CAMK2B: variants seen among roughly 807,000 people sequenced by gnomAD.
The protein encoded by CAMK2B is calcium/calmodulin-dependent protein kinase type II subunit beta.
Under a neutral mutation model 93.7 loss-of-function variants are expected in CAMK2B, and 27 were observed. The observed-to-expected ratio is 0.29, with a 90% confidence interval of 0.21 to 0.40. The LOEUF is 0.40. Among genes scored for constraint, CAMK2B ranks in the 10% least tolerant of loss-of-function variants. The pLI is 1.00. For missense variants in CAMK2B, 568 were observed against 895.8 expected (o/e 0.63, Z 4.67); for synonymous variants, 374 against 358.8 (o/e 1.04, Z -0.48).
Position 44,264,781 on chromosome 7 carries a change from C to T in CAMK2B, c.161-1717G>A, listed in dbSNP as rs533236226. ...CAGGAGCCTCAGGGATTTGTGATGG[C>T]GGAACTGGAACCAGCCCAAGTGTCT... is the stretch of plus-strand genomic sequence containing the variant. On this transcript the variant is annotated intron_variant, in intron 2 of 23. Transcript: ENST00000395749. Among the ~76,000 whole-genome samples, 30 of 152,288 alleles carry T rather than the reference C, an allele frequency of 2.0e-4. No homozygotes were observed. The East Asian group carries it at 5.2e-3, about 26-fold the overall frequency.
rs1455053194 is a variant in CAMK2B, at chr7:44,248,068, T to C, written c.342-876A>G. On this transcript the variant is annotated intron_variant, in intron 5 of 23. Coordinates refer to ENST00000395749, the MANE Select transcript of CAMK2B (RefSeq NM_001220.5). This position sits in a 1 kb window ranked among gnomAD's most constrained non-coding sequence, Gnocchi z 4.1. ...AAAAAGTGAAACCCAAGCTGCCACATTGGCTGGTGGCTGCCGTGTTGGGTG... is the reference window on the plus strand; with the variant it reads ...AAAAAGTGAAACCCAAGCTGCCACACTGGCTGGTGGCTGCCGTGTTGGGTG... 6.6e-6 allele frequency among the ~76,000 whole-genome samples: 1 copy of C among 152,116 alleles called. No homozygotes were observed. Among genetic ancestry groups the C allele is most frequent in the Non-Finnish European group, 1.5e-5 (1 of 68,004 alleles).
chr7:44,313,465 C>T (rs1042486659), intron 1 of CAMK2B, among the ~76,000 whole-genome samples: 3 of 151,802 alleles, frequency 2.0e-5, no homozygotes, highest in African/African-American at 7.3e-5. Flanking sequence ...GTGACAGTCC[C>T]AAGGGCCACT....
intron 1 of CAMK2B, among the ~76,000 whole-genome samples, chr7:44,321,147 C>T (rs964667343): frequency 6.6e-6 from 1 of 152,192 alleles, no homozygotes; most frequent in Non-Finnish European, 1.5e-5. Flanking sequence ...TCCTCCATTC[C>T]TCTCTTCCCT....
intron 19 of CAMK2B, 135 bp downstream of exon 19, chr7:44,228,661 C>T: frequency 2.5e-6 from 2 of 803,226 alleles, no homozygotes; most frequent in Non-Finnish European, 3.5e-6. Flanking sequence ...GAAGCCCCGC[C>T]AGGGCAGGAC....
intron 19 of CAMK2B, 107 bp from the exon 20 acceptor site, chr7:44,226,751 A>G (rs1429478823): frequency 1.5e-5 from 4 of 273,224 alleles, no homozygotes; most frequent in African/African-American, 5.5e-5. Context: ...ACAGAGGCAG[A>G]TGTGGGGGAT....
At chr7:44,229,539 C>A in intron 17 of CAMK2B, 38 bp from the exon 18 acceptor site, 2 of 1,068,710 alleles carry the variant, frequency 1.9e-6, no homozygotes, top group Non-Finnish European at 2.5e-6. Context: ...GTGGGTGGTG[C>A]GCCCGCAGGA....
intron 18 of CAMK2B, 117 bp downstream of exon 18, chr7:44,229,271 T>C: frequency 3.0e-6 from 2 of 672,164 alleles, no homozygotes; most frequent in Non-Finnish European, 2.5e-6. Context: ...GATTGTGGGG[T>C]GATGAGGCTG....
Position 44,240,236 on chromosome 7 carries a change from C to T in CAMK2B, c.946+471G>A, listed in dbSNP as rs527304854. 9.2e-5 allele frequency among the ~76,000 whole-genome samples: 14 copies of T among 152,310 alleles called. No homozygotes were observed. In the South Asian group the frequency reaches 2.7e-3, roughly 29 times the overall value. ...CTGCCAAGAGAACTTGCTTCCCAAC[C>T]ACCCACCCTGAGCAGCCGGGACAGG... On this transcript the variant is annotated intron_variant, in intron 12 of 23. Coordinates refer to ENST00000395749, the MANE Select transcript of CAMK2B (RefSeq NM_001220.5).
intron 2 of CAMK2B, among the ~76,000 whole-genome samples, chr7:44,273,140 A>G (rs1371976811): frequency 6.6e-6 from 1 of 152,196 alleles, no homozygotes; most frequent in Non-Finnish European, 1.5e-5. Context: ...ATGCCTGAGT[A>G]GTGAGATGCA....
intron 3 of CAMK2B, among the ~76,000 whole-genome samples, chr7:44,261,410 G>A (rs1004728686): frequency 1.3e-5 from 2 of 152,240 alleles, no homozygotes; most frequent in Non-Finnish European, 2.9e-5. Flanking sequence ...CATCTATGAA[G>A]GTACCTCACT....
intron 1 of CAMK2B, chr7:44,324,909 C>CGCTCGGGTGGGGGTGGGGACA (rs1563139906): frequency 6.6e-6 from 1 of 151,986 alleles, no homozygotes; most frequent in Non-Finnish European, 1.5e-5. Flanking sequence ...CGCCGCCTGC[C>CGCTCGGGTGGGGGTGGGGACA]GCTCGGGTGG....
At chr7:44,306,702 A>T (rs1295725887) in intron 1 of CAMK2B, among the ~76,000 whole-genome samples, 1 of 150,434 alleles carries the variant, frequency 6.6e-6, no homozygotes, top group Non-Finnish European at 1.5e-5. Flanking sequence ...CAATCTGGCC[A>T]TGCTGAAACC....
At chr7:44,283,895 C>T (rs1454958635) in intron 2 of CAMK2B, among the ~76,000 whole-genome samples, 1 of 152,226 alleles carries the variant, frequency 6.6e-6, no homozygotes, top group African/African-American at 2.4e-5. Flanking sequence ...GGCACCCCCA[C>T]CAGCCTGGGC....
rs912976548 is a variant in CAMK2B, at chr7:44,225,101, C to A, written c.1597+1415G>T. Among the ~76,000 whole-genome samples the A allele has an allele frequency of 1.8e-4, 28 of 152,054 alleles. No homozygotes were observed. Among genetic ancestry groups the A allele is most frequent in the African/African-American group, 6.3e-4 (26 of 41,396 alleles). Reference sequence around the variant, plus strand: ...CTGTGCTGTGGCCCCTGAAGGTGAGCCTGGACACCGAGCCCCGAGCTGGCC... The same window carrying A: ...CTGTGCTGTGGCCCCTGAAGGTGAGACTGGACACCGAGCCCCGAGCTGGCC... On this transcript the variant is annotated intron_variant, in intron 20 of 23. Coordinates refer to ENST00000395749, the MANE Select transcript of CAMK2B (RefSeq NM_001220.5). The surrounding 1 kb of genome is among the most constrained non-coding windows in gnomAD (Gnocchi z 5.0).
intron 1 of CAMK2B, among the ~76,000 whole-genome samples, chr7:44,306,951 TA>T (rs1395805645): frequency 2.2e-4 from 2 of 8,946 alleles, no homozygotes; most frequent in East Asian, 5.3e-3. Context: ...AGGGGGTGAG[TA>T]GGGGGAGGAG....
chr7:44,235,687 C>T (rs1188188051), intron 13 of CAMK2B, among the ~76,000 whole-genome samples: 2 of 152,184 alleles, frequency 1.3e-5, no homozygotes, highest in African/African-American at 4.8e-5. Context: ...CAAAAAGAGC[C>T]AGGGCCATGC....
chr7:44,289,063 C>T (rs1025396767), intron 1 of CAMK2B, among the ~76,000 whole-genome samples: 1 of 152,212 alleles, frequency 6.6e-6, no homozygotes, highest in East Asian at 1.9e-4. Context: ...TCTGGCTCCA[C>T]AACAGACTGC....
In CAMK2B at chr7:44,225,959, C is replaced by T. The variant is rs759396269; in HGVS notation, c.1597+557G>A. The T allele has an allele frequency of 1.7e-4, 217 of 1,244,582 alleles. No individual in the cohort carries two copies. The African/African-American group carries it at 2.6e-3, about 15-fold the overall frequency. 77.1% of individuals were successfully genotyped at this position (1,244,582 alleles called of 1,614,324 possible). A position where few individuals can be genotyped will look rare whatever the true frequency, so the allele number is the denominator to read the frequency against. ...TGGCCCAGCCTGGCTCCTCCCTGGC[C>T]GGGGAGGCTGCCCAGCCTGTGCTTC... On this transcript the variant is annotated intron_variant, in intron 20 of 23. Coordinates refer to ENST00000395749, the MANE Select transcript of CAMK2B (RefSeq NM_001220.5). The surrounding 1 kb of genome is among the most constrained non-coding windows in gnomAD (Gnocchi z 5.0).
At chr7:44,241,265 G>A (rs1194603097) in intron 11 of CAMK2B, among the ~76,000 whole-genome samples, 1 of 152,140 alleles carries the variant, frequency 6.6e-6, no homozygotes, top group African/African-American at 2.4e-5. Flanking sequence ...ACCCTACTGG[G>A]ACCCACCTCC....
Sources: allele counts gnomAD v4.1 joint callset (sites outside exome capture counted in the v4.1 genomes callset), GRCh38; gene constraint gnomAD v4.1.1; non-coding constraint Gnocchi (gnomAD v3.1); transcripts MANE v1.5; gene names NCBI Gene and HGNC (gene_info 2026-07-23, HGNC 2026-07-21).